IAH1: variants seen among roughly 807,000 people sequenced by gnomAD.
IAH1 encodes the protein isoamyl acetate hydrolyzing esterase 1 (putative).
IAH1 carries 24 observed loss-of-function variants against 26.7 expected under a neutral mutation model. That is an observed-to-expected ratio of 0.90 (90% CI 0.65 to 1.26). The LOEUF is 1.26. Ranked by LOEUF, IAH1 falls within the 50% of genes most tolerant of loss-of-function variation. The pLI is 0.00. For synonymous variants in IAH1, 140 were observed against 118.5 expected (o/e 1.18, Z -1.18); for missense variants, 300 against 299.9 (o/e 1.00, Z 0.00).
downstream of IAH1, chr2:9,497,299 G>C (rs1340041017): frequency 6.2e-7 from 1 of 1,605,888 alleles, no homozygotes; most frequent in Non-Finnish European, 8.5e-7. Flanking sequence ...AGGTCCACCA[G>C]TTCTACAGGT....
At chr2:9,495,435 G>A (rs1000903156) in intron 6 of IAH1, among the ~76,000 whole-genome samples, 5 of 152,132 alleles carry the variant, frequency 3.3e-5, no homozygotes, top group East Asian at 1.9e-4. Context: ...AGAAAAGGCC[G>A]GGAGCAGTGG....
At chr2:9,510,577 C>T in the IAH1 span, among the ~76,000 whole-genome samples, 1 of 151,728 alleles carries the variant, frequency 6.6e-6, no homozygotes, top group African/African-American at 2.4e-5. Context: ...GGCAGGAGAA[C>T]TGCTTGAACC....
chr2:9,509,859 A>G, the IAH1 span: 1 of 1,290,402 alleles, frequency 7.7e-7, no homozygotes, highest in South Asian at 1.4e-5. Flanking sequence ...GGTACTTTGT[A>G]ATTTGCACAT....
chr2:9,486,010 T>G (rs1215474088), intron 5 of IAH1: 1 of 152,238 alleles, frequency 6.6e-6, no homozygotes, highest in African/African-American at 2.4e-5. Flanking sequence ...CTGTTAGGTT[T>G]AGGCTACTTG....
the IAH1 span, among the ~76,000 whole-genome samples, chr2:9,503,324 C>T: frequency 3.3e-5 from 5 of 152,130 alleles, no homozygotes; most frequent in Non-Finnish European, 5.9e-5. Flanking sequence ...TACTTCTAAG[C>T]CAGGCACTGG....
the IAH1 span, chr2:9,502,249 G>A: frequency 6.2e-7 from 1 of 1,614,008 alleles, no homozygotes; most frequent in Non-Finnish European, 8.5e-7. Context: ...CAAACTGACA[G>A]TTTTTACAGC....
At chr2:9,477,697 T>C (rs1660901454) in intron 2 of IAH1, among the ~76,000 whole-genome samples, 1 of 151,196 alleles carries the variant, frequency 6.6e-6, no homozygotes, top group Admixed American at 6.6e-5. Context: ...ACACCTACAG[T>C]ACTGTGAATC....
intron 5 of IAH1, among the ~76,000 whole-genome samples, chr2:9,487,164 C>T (rs542270800): frequency 6.6e-6 from 1 of 152,204 alleles, no homozygotes; most frequent in African/African-American, 2.4e-5. Flanking sequence ...ATCGCTTGAG[C>T]CCAGGAGGTT....
chr2:9,474,615 C>G lies in IAH1; in HGVS notation c.49C>G (p.Arg17Gly). 1 of 1,551,594 alleles carries G rather than the reference C, an allele frequency of 6.4e-7. No homozygotes were observed. The highest frequency in any genetic ancestry group is 8.7e-7 in the Non-Finnish European group (1 of 1,152,524). The change falls in exon 1 of 6, where the codon CGC becomes GGC. Residue 17 changes from arginine to glycine, a missense_variant. Transcript: ENST00000497473. The surrounding 1 kb of genome is among the most constrained non-coding windows in gnomAD (Gnocchi z 4.3). ...CTGCGGGAGTGCCCTGCTCTGGCCTCGCTTGTTGCTCTTCGGGGACTCCAT... is the reference window on the plus strand; with the variant it reads ...CTGCGGGAGTGCCCTGCTCTGGCCTGGCTTGTTGCTCTTCGGGGACTCCAT... ...AGCGSALLWP[R>G]LLLFGDSITQ...
downstream of IAH1, chr2:9,490,167 G>A (rs763335447): frequency 6.3e-7 from 1 of 1,582,326 alleles, no homozygotes; most frequent in Non-Finnish European, 8.6e-7. Context: ...CAGAAGAGCT[G>A]AGAACTAAAT....
downstream of IAH1, chr2:9,490,422 C>T (rs1662030639): frequency 1.2e-6 from 2 of 1,614,050 alleles, no homozygotes; most frequent in Non-Finnish European, 1.7e-6. Context: ...GAAGGGATCA[C>T]AGGGGCAGGC....
intron 6 of IAH1, chr2:9,494,890 A>G: frequency 8.1e-7 from 1 of 1,240,472 alleles, no homozygotes; most frequent in East Asian, 2.5e-5. Flanking sequence ...TTTTATTTAA[A>G]TAGCTAATAC....
the IAH1 span, among the ~76,000 whole-genome samples, chr2:9,511,834 T>G: frequency 6.6e-6 from 1 of 151,062 alleles, no homozygotes; most frequent in Non-Finnish European, 1.5e-5. Context: ...AGCCAGGCAT[T>G]GTGGTGGGCG....
downstream of IAH1, among the ~76,000 whole-genome samples, chr2:9,501,056 T>C (rs988847496): frequency 1.2e-4 from 12 of 101,430 alleles, no homozygotes; most frequent in African/African-American, 5.5e-4. Flanking sequence ...TGGCAACAGA[T>C]AGGAGACGTA....
the IAH1 span, among the ~76,000 whole-genome samples, chr2:9,502,676 C>T: frequency 3.3e-5 from 5 of 151,782 alleles, no homozygotes; most frequent in East Asian, 9.7e-4. Context: ...CAGGAGAGTT[C>T]GAGATGAGCC....
At chr2:9,479,844 T>C (rs182249433) in intron 3 of IAH1, among the ~76,000 whole-genome samples, 2 of 124,292 alleles carry the variant, frequency 1.6e-5, no homozygotes, top group Non-Finnish European at 3.2e-5. Flanking sequence ...AGTTTCACAC[T>C]CTTGCCTAGG....
At chr2:9,506,248 G>A in the IAH1 span, among the ~76,000 whole-genome samples, 16 of 151,928 alleles carry the variant, frequency 1.1e-4, no homozygotes, top group Admixed American at 5.2e-4. Context: ...CCCTCCAAAG[G>A]TGCCTGTAAC....
At chr2:9,482,186 G>A (rs1280955767) in intron 4 of IAH1, among the ~76,000 whole-genome samples, 1 of 151,380 alleles carries the variant, frequency 6.6e-6, no homozygotes, top group Non-Finnish European at 1.5e-5. Context: ...GCACCACCAC[G>A]CCCGGCTAAT....
chr2:9,484,783 A>G (rs930366594), intron 5 of IAH1: 3 of 479,756 alleles, frequency 6.3e-6, no homozygotes, highest in Non-Finnish European at 1.1e-5. Flanking sequence ...GCGCAGTGAC[A>G]TCAATGAGCA....
Sources: gnomAD v4.1 joint callset for allele counts (sites outside exome capture counted in the v4.1 genomes callset) on GRCh38, gnomAD v4.1.1 for gene constraint, Gnocchi (gnomAD v3.1) non-coding constraint, MANE v1.5 for transcripts, NCBI Gene and HGNC (gene_info 2026-07-23, HGNC 2026-07-21) for gene names.